INPP4B: variants seen among roughly 807,000 people sequenced by gnomAD.
INPP4B encodes inositol polyphosphate-4-phosphatase type II B, also known as inositol polyphosphate 4-phosphatase type II.
A neutral mutation model predicts 122.5 loss-of-function variants in INPP4B; 55 were observed. The ratio of observed to expected loss-of-function variants is 0.45; its 90% CI spans 0.36 to 0.56. The LOEUF (loss-of-function observed/expected upper bound fraction) is 0.56. INPP4B is among the 20% of genes least tolerant of loss of function. The pLI, the probability that INPP4B is intolerant of heterozygous loss-of-function variation, is 0.00. For synonymous variants in INPP4B, 403 were observed against 388.7 expected, an observed-to-expected ratio of 1.04 and a Z score of -0.43; for missense variants, 1,000 against 1,097.7, an observed-to-expected ratio of 0.91 and a Z score of 1.26.
chr4:142,651,679 C>A (rs13129274), intron 2 of INPP4B, among the ~76,000 whole-genome samples: 7 of 151,946 alleles, frequency 4.6e-5, no homozygotes, highest in Non-Finnish European at 1.0e-4. Context: ...AGGAAGAAAT[C>A]GAATCTCTGA....
intron 21 of INPP4B, among the ~76,000 whole-genome samples, chr4:142,119,993 T>C (rs145308317): frequency 0.01 from 1,595 of 151,946 alleles, 31 homozygotes; most frequent in African/African-American, 0.037. Flanking sequence ...GTTTTAGCTC[T>C]TACATTTAGA....
chr4:142,745,653 G>C (rs987873707), intron 1 of INPP4B, among the ~76,000 whole-genome samples: 1 of 151,796 alleles, frequency 6.6e-6, no homozygotes, highest in African/African-American at 2.4e-5. Context: ...TTCCCATAAA[G>C]TGTCCTGTAT....
intron 1 of INPP4B, among the ~76,000 whole-genome samples, chr4:142,730,467 G>T (rs1449050025): frequency 6.6e-6 from 1 of 152,102 alleles, no homozygotes; most frequent in Admixed American, 6.6e-5. Context: ...TCTAACAGCT[G>T]CCACGTTGTT....
chr4:142,751,729 C>T (rs917865201), intron 1 of INPP4B, among the ~76,000 whole-genome samples: 3 of 152,054 alleles, frequency 2.0e-5, no homozygotes, highest in Admixed American at 6.6e-5. Context: ...CTGGAACATA[C>T]CAGTCAGTCA....
intron 7 of INPP4B, among the ~76,000 whole-genome samples, chr4:142,395,750 G>T (rs993585399): frequency 3.3e-5 from 5 of 152,140 alleles, no homozygotes; most frequent in African/African-American, 1.2e-4. Context: ...CATAATATGT[G>T]CCTGGATGAA....
chr4:142,722,556 T>C (rs1171348052), intron 2 of INPP4B, among the ~76,000 whole-genome samples: 4 of 152,132 alleles, frequency 2.6e-5, no homozygotes, highest in Non-Finnish European at 5.9e-5. Flanking sequence ...CCAAGAACTT[T>C]TTGCAAATGA....
chr4:142,221,760 T>A (rs2149710687), intron 12 of INPP4B, among the ~76,000 whole-genome samples: 1 of 152,332 alleles, frequency 6.6e-6, no homozygotes, highest in South Asian at 2.1e-4. Flanking sequence ...CACATGTAGC[T>A]GTTCGGTACT....
At chr4:142,248,335 TC>T (rs372633919) in intron 11 of INPP4B, among the ~76,000 whole-genome samples, 549 of 41,190 alleles carry the variant, frequency 0.013, 3 homozygotes, top group African/African-American at 0.024. Flanking sequence ...TCTCTCTCTC[TC>T]TTTTTTTTTT....
intron 12 of INPP4B, among the ~76,000 whole-genome samples, chr4:142,221,180 A>G (rs1229652120): frequency 1.3e-5 from 2 of 152,054 alleles, no homozygotes; most frequent in Admixed American, 1.3e-4. Context: ...CGAGTGGATC[A>G]CGAGGTCAGG....
At chr4:142,392,789 G>A (rs1263127021) in intron 7 of INPP4B, among the ~76,000 whole-genome samples, 3 of 152,184 alleles carry the variant, frequency 2.0e-5, no homozygotes, top group Non-Finnish European at 4.4e-5. Flanking sequence ...CTGGGCAGCT[G>A]CTGACAATTA....
At chr4:142,267,948 C>T (rs1256953569) in intron 10 of INPP4B, among the ~76,000 whole-genome samples, 1 of 152,086 alleles carries the variant, frequency 6.6e-6, no homozygotes, top group Non-Finnish European at 1.5e-5. Context: ...AAAAAATGCT[C>T]ATCATTGCTG....
At chr4:142,037,818 T>C (rs2152312235) in intron 25 of INPP4B, among the ~76,000 whole-genome samples, 1 of 152,246 alleles carries the variant, frequency 6.6e-6, no homozygotes, top group South Asian at 2.1e-4. Flanking sequence ...ATATAATGAA[T>C]CTGGTATCAA....
At chr4:142,529,793 C>T (rs956166913) in intron 2 of INPP4B, among the ~76,000 whole-genome samples, 2 of 152,002 alleles carry the variant, frequency 1.3e-5, no homozygotes, top group Admixed American at 6.6e-5. Flanking sequence ...ATTTACTTCT[C>T]ATTCACATTT....
chr4:142,118,823 A>C (rs1561185155), intron 21 of INPP4B, among the ~76,000 whole-genome samples: 1 of 152,340 alleles, frequency 6.6e-6, no homozygotes, highest in East Asian at 1.9e-4. Context: ...GAGCTTCTGC[A>C]CAGCAAAAGA....
intron 1 of INPP4B, among the ~76,000 whole-genome samples, chr4:142,763,993 T>A (rs1196132768): frequency 6.6e-6 from 1 of 152,076 alleles, no homozygotes. Context: ...TTCTTTGAGC[T>A]TATTCATTTT....
At chr4:142,063,469 C>A (rs1762020479) in intron 25 of INPP4B, among the ~76,000 whole-genome samples, 1 of 152,074 alleles carries the variant, frequency 6.6e-6, no homozygotes, top group Admixed American at 6.5e-5. Context: ...TTGTTTTTTC[C>A]TTGACTGTGA....
chr4:142,775,485 G>GTTCCC (rs76024571), intron 1 of INPP4B, among the ~76,000 whole-genome samples: 39,501 of 135,616 alleles, frequency 0.29, 6,468 homozygotes, highest in South Asian at 0.35. Flanking sequence ...TGCATATTTT[G>GTTCCC]TTCCCTTCCC....
intron 2 of INPP4B, among the ~76,000 whole-genome samples, chr4:142,601,434 C>A (rs1580469870): frequency 6.6e-6 from 1 of 151,816 alleles, no homozygotes; most frequent in East Asian, 1.9e-4. Context: ...GGCAATTAAA[C>A]AACATGCTCC....
intron 7 of INPP4B, among the ~76,000 whole-genome samples, chr4:142,390,744 A>T (rs2148984953): frequency 6.6e-6 from 1 of 152,314 alleles, no homozygotes; most frequent in African/African-American, 2.4e-5. Context: ...TATAGTTACT[A>T]TGTTAAGTTA....
Sources: gnomAD v4.1 joint callset for allele counts (sites outside exome capture counted in the v4.1 genomes callset) on GRCh38, gnomAD v4.1.1 for gene constraint, MANE v1.5 for transcripts, NCBI Gene and HGNC (gene_info 2026-07-23, HGNC 2026-07-21) for gene names.